Variants in RBMS1 observed in about 807,000 individuals in gnomAD.
RBMS1 encodes the protein RNA-binding motif, single-stranded-interacting protein 1.
RBMS1 carries 17 observed loss-of-function variants against 62.3 expected under a neutral mutation model. The ratio of observed to expected loss-of-function variants is 0.27; its 90% CI spans 0.19 to 0.41. The LOEUF is 0.41. Ranked by LOEUF, RBMS1 falls within the 10% of genes least tolerant of loss-of-function variation. The probability of loss-of-function intolerance (pLI) is 1.00; values close to 1 mark genes in which losing one functional copy is unlikely to be tolerated. For synonymous variants in RBMS1, 172 were observed against 170.0 expected (o/e 1.01, Z -0.09); for missense variants, 334 against 504.5 (o/e 0.66, Z 3.24).
At chr2:160,448,868 CCCAT>C (rs1683803983) in intron 1 of RBMS1, among the ~76,000 whole-genome samples, 1 of 151,814 alleles carries the variant, frequency 6.6e-6, no homozygotes. Flanking sequence ...TGCCTGGCCG[CCCAT>C]CGTCTGAGAT....
intron 2 of RBMS1, among the ~76,000 whole-genome samples, chr2:160,360,972 T>C (rs1199862696): frequency 1.3e-5 from 2 of 152,160 alleles, no homozygotes; most frequent in African/African-American, 4.8e-5. Context: ...AGGAAACAGA[T>C]TACATTTCAA....
intron 1 of RBMS1, among the ~76,000 whole-genome samples, chr2:160,420,107 C>G (rs916097545): frequency 6.6e-6 from 1 of 152,042 alleles, no homozygotes; most frequent in Admixed American, 6.5e-5. Context: ...TGTTGTATAC[C>G]CTGCTTCCAA....
At chr2:160,442,491 T>G (rs2105305348) in intron 1 of RBMS1, among the ~76,000 whole-genome samples, 1 of 152,376 alleles carries the variant, frequency 6.6e-6, no homozygotes, top group South Asian at 2.1e-4. Context: ...TTTTATTTTC[T>G]GCTGCATTCA....
intron 1 of RBMS1, among the ~76,000 whole-genome samples, chr2:160,455,063 C>T (rs2105324295): frequency 6.6e-6 from 1 of 152,296 alleles, no homozygotes; most frequent in African/African-American, 2.4e-5. Flanking sequence ...CAATGCAGAT[C>T]CTGGTTCCTA....
Position 160,303,325 on chromosome 2 carries a change from C to T in RBMS1, c.560+5G>A, listed in dbSNP as rs376797676. The T allele has an allele frequency of 1.1e-5, 17 of 1,595,440 alleles. No homozygotes were observed. Among genetic ancestry groups the T allele is most frequent in the African/African-American group, 2.7e-5 (2 of 73,870 alleles). On this transcript the variant is annotated splice_donor_5th_base_variant and intron_variant, in intron 5 of 13. Transcript: ENST00000348849. ...GACATAATAAAGACTGGGCAGAAGG[C>T]TTACCTAGCAAAGCCAACACCACGA...
At chr2:160,453,881 T>C (rs2105322742) in intron 1 of RBMS1, among the ~76,000 whole-genome samples, 1 of 152,322 alleles carries the variant, frequency 6.6e-6, no homozygotes, top group East Asian at 1.9e-4. Flanking sequence ...CCCTCTACCT[T>C]AGTTCATGAT....
chr2:160,435,814 T>A (rs548679482), intron 1 of RBMS1, among the ~76,000 whole-genome samples: 1 of 152,368 alleles, frequency 6.6e-6, no homozygotes, highest in South Asian at 2.1e-4. Flanking sequence ...TTCCTAGCAC[T>A]CAAGAATGCA....
At chr2:160,392,460 C>CA (rs761100589) in intron 1 of RBMS1, among the ~76,000 whole-genome samples, 20,276 of 123,434 alleles carry the variant, frequency 0.16, 1,744 homozygotes, top group Admixed American at 0.31. Flanking sequence ...TGGCCCTTCA[C>CA]AAAAAAAAAA....
intron 2 of RBMS1, among the ~76,000 whole-genome samples, chr2:160,318,805 CTG>C (rs1690380278): frequency 1.3e-5 from 2 of 152,202 alleles, no homozygotes; most frequent in Non-Finnish European, 2.9e-5. Context: ...ACTTTTATAA[CTG>C]TTCATAAATA....
At chr2:160,284,737 A>C (rs1688274803) in intron 9 of RBMS1, 38 bp downstream of exon 9, 1 of 1,406,512 alleles carries the variant, frequency 7.1e-7, no homozygotes, top group Non-Finnish European at 1.0e-6. Context: ...CATGGTCCGC[A>C]AGTGGTTATA....
intron 1 of RBMS1, among the ~76,000 whole-genome samples, chr2:160,459,732 G>A (rs1684386616): frequency 6.6e-6 from 1 of 152,124 alleles, no homozygotes; most frequent in Non-Finnish European, 1.5e-5. Context: ...TACTTAGAAA[G>A]TAATGTTTCA....
chr2:160,468,486 T>C (rs565809944), intron 1 of RBMS1, among the ~76,000 whole-genome samples: 15 of 152,348 alleles, frequency 9.8e-5, no homozygotes, highest in Admixed American at 6.5e-4. Context: ...AGTTTATCTA[T>C]GAAAAGTCAG....
intron 1 of RBMS1, 197 bp downstream of exon 1, chr2:160,493,092 C>G (rs1276455181): frequency 3.6e-6 from 2 of 559,026 alleles, no homozygotes. Context: ...ACCCGATCCC[C>G]GCACTCCGCT....
intron 10 of RBMS1, 116 bp downstream of exon 10, chr2:160,281,198 T>C: frequency 1.5e-6 from 1 of 650,722 alleles, no homozygotes; most frequent in Non-Finnish European, 2.5e-6. Flanking sequence ...CATTCTCATA[T>C]TCCATGTTTA....
At chr2:160,395,967 C>G (rs999954558) in intron 1 of RBMS1, among the ~76,000 whole-genome samples, 2 of 152,178 alleles carry the variant, frequency 1.3e-5, no homozygotes, top group Admixed American at 1.3e-4. Context: ...AGGAGGGAAG[C>G]ATCCAGAGTA....
chr2:160,327,912 C>T (rs1422933144), intron 2 of RBMS1, among the ~76,000 whole-genome samples: 1 of 152,144 alleles, frequency 6.6e-6, no homozygotes, highest in Non-Finnish European at 1.5e-5. Flanking sequence ...TATGAACTGA[C>T]AATAATTATT....
intron 1 of RBMS1, among the ~76,000 whole-genome samples, chr2:160,465,369 G>A (rs770361463): frequency 2.0e-5 from 3 of 152,128 alleles, no homozygotes; most frequent in Non-Finnish European, 4.4e-5. Context: ...AACAGTACTC[G>A]ATATTGTTGG....
At chr2:160,409,639 C>T (rs1695942145) in intron 1 of RBMS1, among the ~76,000 whole-genome samples, 1 of 152,208 alleles carries the variant, frequency 6.6e-6, no homozygotes, top group African/African-American at 2.4e-5. Flanking sequence ...GACCTGTCGT[C>T]TGTGCATCTA....
At chr2:160,407,507 T>TTGCCAC (rs1469850188) in intron 1 of RBMS1, 1 of 985,552 alleles carries the variant, frequency 1.0e-6, no homozygotes, top group East Asian at 1.1e-4. Context: ...GCCCCCGGGG[T>TTGCCAC]TGCCACTGCT....
Sources: allele counts gnomAD v4.1 joint callset (sites outside exome capture counted in the v4.1 genomes callset), GRCh38; gene constraint gnomAD v4.1.1; transcripts MANE v1.5; gene names NCBI Gene and HGNC (gene_info 2026-07-23, HGNC 2026-07-21).